IPO11: variants seen among roughly 807,000 people sequenced by gnomAD.
The protein encoded by IPO11 is importin 11.
IPO11 carries 66 observed loss-of-function variants against 143.2 expected under a neutral mutation model. That is an observed-to-expected ratio of 0.46 (90% CI 0.38 to 0.57). The LOEUF (loss-of-function observed/expected upper bound fraction) is 0.57, where lower values mean the gene tolerates loss of function less well. Among genes scored for constraint, IPO11 ranks in the 20% least tolerant of loss-of-function variants. IPO11 has a pLI of 0.00. For synonymous variants in IPO11, 385 were observed against 377.8 expected, an observed-to-expected ratio of 1.02 and a Z score of -0.22; for missense variants, 1,026 against 1,141.0, an observed-to-expected ratio of 0.90 and a Z score of 1.45.
intron 21 of IPO11, 110 bp downstream of exon 21, chr5:62,526,367 A>C (rs1742370406): frequency 1.4e-6 from 1 of 705,846 alleles, no homozygotes; most frequent in Admixed American, 2.6e-5. Context: ...AGAAAATGTA[A>C]ACTCTGTTTC....
At chr5:62,452,859 C>T (rs1744990388) in intron 5 of IPO11, among the ~76,000 whole-genome samples, 1 of 150,216 alleles carries the variant, frequency 6.7e-6, no homozygotes, top group Non-Finnish European at 1.5e-5. Context: ...CTCAAACCAT[C>T]CTCCTACCTC....
intron 29 of IPO11, among the ~76,000 whole-genome samples, chr5:62,615,125 G>A (rs557157303): frequency 6.6e-6 from 1 of 152,216 alleles, no homozygotes; most frequent in African/African-American, 2.4e-5. Context: ...GGTGTGGTGG[G>A]CCGTATGGAA....
At chr5:62,470,743 A>G (rs980583274) in intron 7 of IPO11, among the ~76,000 whole-genome samples, 2 of 151,572 alleles carry the variant, frequency 1.3e-5, no homozygotes, top group African/African-American at 4.8e-5. Flanking sequence ...AAATAAATAT[A>G]TAAGAGAAAA....
chr5:62,626,900 G>A (rs1746602186), intron 29 of IPO11, among the ~76,000 whole-genome samples: 1 of 152,088 alleles, frequency 6.6e-6, no homozygotes, highest in Non-Finnish European at 1.5e-5. Flanking sequence ...AAATGAATGA[G>A]TCCCCCAGCT....
intron 27 of IPO11, among the ~76,000 whole-genome samples, chr5:62,563,672 A>G (rs1251354794): frequency 6.6e-6 from 1 of 152,170 alleles, no homozygotes; most frequent in African/African-American, 2.4e-5. Context: ...TATTTCATAT[A>G]CACCTCATAT....
intron 24 of IPO11, among the ~76,000 whole-genome samples, chr5:62,547,000 A>G (rs1329791037): frequency 6.6e-6 from 1 of 152,174 alleles, no homozygotes; most frequent in Non-Finnish European, 1.5e-5. Flanking sequence ...GAGGTAAAGC[A>G]TGATTTAGGG....
At chr5:62,434,687 T>TAC (rs1744110359) in intron 1 of IPO11, among the ~76,000 whole-genome samples, 7 of 152,128 alleles carry the variant, frequency 4.6e-5, no homozygotes, top group Non-Finnish European at 7.4e-5. Context: ...TTAAAAAATA[T>TAC]TGGTTACATG....
chr5:62,594,007 T>TC (rs764946722), intron 28 of IPO11, among the ~76,000 whole-genome samples: 23 of 152,298 alleles, frequency 1.5e-4, no homozygotes, highest in Admixed American at 3.9e-4. Flanking sequence ...GCTTTCAACT[T>TC]CCCCTTCCTG....
intron 20 of IPO11, among the ~76,000 whole-genome samples, chr5:62,517,146 C>G (rs1443582479): frequency 2.6e-5 from 4 of 151,796 alleles, no homozygotes; most frequent in African/African-American, 4.8e-5. Flanking sequence ...TGCAGTAAGC[C>G]GAGATCGCGC....
chr5:62,443,677 G>T lies in IPO11; in HGVS notation c.239+594G>T, dbSNP rs918319753. Among the ~76,000 whole-genome samples the T allele has an allele frequency of 2.6e-5, 4 of 151,856 alleles. 1 individual carries two copies. Among genetic ancestry groups the T allele is most frequent in the African/African-American group, 9.7e-5 (4 of 41,440 alleles). On this transcript the variant is annotated intron_variant, in intron 3 of 29. Transcript: ENST00000325324. ...CAGAAGGAAATCCCAGGTCAACTCT[G>T]AACCAGCTAGGTGTTAATTTCTGAG...
At position 62,559,916 on chromosome 5, in the gene IPO11, C is replaced by CAAAA. The variant is rs759468696; in HGVS notation, c.2461-1197_2461-1194dup. ...GGGCAACAAGACTGAAACTCTGTCT[C>CAAAA]AAAAAAAAAAAAAAAAAAAAAAAAA... On this transcript the variant is annotated intron_variant, in intron 26 of 29. Transcript: ENST00000325324. 5.5e-3 allele frequency among the ~76,000 whole-genome samples: 93 copies of CAAAA among 16,974 alleles called. 2 individuals carry two copies. The highest frequency in any genetic ancestry group is 6.4e-3 in the Non-Finnish European group (71 of 11,056). The allele number at this position is 16,974 out of a possible 152,430, so 11.1% of individuals were successfully genotyped here. A position where few individuals can be genotyped will look rare whatever the true frequency, so the allele number is the denominator to read the frequency against.
Position 62,435,172 on chromosome 5 carries a change from G to GTATATATGTA in IPO11, c.-6-2072_-6-2063dup, listed in dbSNP as rs746098672. ...TATATGTATATATATGTATATATAT[G>GTATATATGTA]TATATATGTATATATATGTATATAT... On this transcript the variant is annotated intron_variant, in intron 1 of 29. Coordinates refer to ENST00000325324, the MANE Select transcript of IPO11 (RefSeq NM_016338.5). 5.6e-4 allele frequency among the ~76,000 whole-genome samples: 49 copies of GTATATATGTA among 88,288 alleles called. 2 individuals carry two copies. The highest frequency in any genetic ancestry group is 4.6e-3 in the East Asian group (14 of 3,026). The allele number at this position is 88,288 out of a possible 152,430, so 57.9% of individuals were successfully genotyped here. A position where few individuals can be genotyped will look rare whatever the true frequency, so the allele number is the denominator to read the frequency against.
At chr5:62,454,785 C>G (rs146592690) in intron 5 of IPO11, among the ~76,000 whole-genome samples, 31 of 152,230 alleles carry the variant, frequency 2.0e-4, no homozygotes, top group African/African-American at 7.2e-4. Context: ...ACTGCATGGT[C>G]TGAAAGAGTA....
chr5:62,559,844 A>G (rs1743707851), intron 26 of IPO11, among the ~76,000 whole-genome samples: 1 of 133,074 alleles, frequency 7.5e-6, no homozygotes, highest in African/African-American at 2.8e-5. Flanking sequence ...TGAATCTGGG[A>G]GGCAGAGGTT....
chr5:62,457,084 G>T (rs1317678518), intron 5 of IPO11, among the ~76,000 whole-genome samples: 1 of 152,068 alleles, frequency 6.6e-6, no homozygotes, highest in Non-Finnish European at 1.5e-5. Flanking sequence ...TGTCTCTGGG[G>T]TGGGGGGGAA....
chr5:62,551,427 G>A (rs1244150359), intron 26 of IPO11, 91 bp downstream of exon 26: 14 of 704,268 alleles, frequency 2.0e-5, no homozygotes, highest in Admixed American at 4.6e-5. Context: ...TGTAAAAGTC[G>A]CTTTGTAGTA....
Position 62,437,403 on chromosome 5 carries a change from T to A in IPO11, c.124T>A (p.Tyr42Asn). The change falls in exon 2 of 30, where the codon TAT (tyrosine) becomes AAT (asparagine). Residue 42 changes from tyrosine to asparagine, a missense_variant. Physicochemically the swap from Tyr to Asn is moderately radical, Grantham distance 143 (BLOSUM62 -2). This residue lies in a region of IPO11 where 429 missense variants were observed against 456.3 expected (regional missense o/e 0.94). Coordinates refer to ENST00000325324, the MANE Select transcript of IPO11 (RefSeq NM_016338.5). ...LKQWETQPGF[Y>N]SVLLNIFTNH... is the part of the protein sequence containing the mutation. Reference sequence around the variant, plus strand: ...GCAGTGGGAGACACAGCCAGGTTTCTATTCAGTGTTGCTGGTAAGTTGTTC... The same window carrying A: ...GCAGTGGGAGACACAGCCAGGTTTCAATTCAGTGTTGCTGGTAAGTTGTTC... 1 of 1,608,026 alleles carries A rather than the reference T, an allele frequency of 6.2e-7. No individual in the cohort carries two copies. The highest frequency in any genetic ancestry group is 8.5e-7 in the Non-Finnish European group (1 of 1,177,396).
intron 24 of IPO11, 108 bp downstream of exon 24, chr5:62,537,397 T>G (rs755722236): frequency 2.8e-6 from 2 of 713,822 alleles, no homozygotes; most frequent in Non-Finnish European, 4.7e-6. Flanking sequence ...TTGATATAGT[T>G]CTAGACAGGC....
chr5:62,440,027 C>T (rs1744408129), intron 2 of IPO11, among the ~76,000 whole-genome samples: 1 of 152,172 alleles, frequency 6.6e-6, no homozygotes, highest in South Asian at 2.1e-4. Context: ...ACAATATTCC[C>T]ACATTACTTC....
Sources: gnomAD v4.1 joint callset for allele counts (sites outside exome capture counted in the v4.1 genomes callset) on GRCh38, gnomAD v4.1.1 for gene constraint, gnomAD v4.1.1 regional missense constraint, MANE v1.5 for transcripts, NCBI Gene and HGNC (gene_info 2026-07-23, HGNC 2026-07-21) for gene names.